BLMH: variants seen among roughly 807,000 people sequenced by gnomAD.
BLMH encodes the protein bleomycin hydrolase, also known as BLM hydrolase.
BLMH carries 32 observed loss-of-function variants against 61.6 expected under a neutral mutation model. That is an observed-to-expected ratio of 0.52 (90% CI 0.39 to 0.70). The LOEUF is 0.70. BLMH is among the 30% of genes least tolerant of loss of function. The probability of loss-of-function intolerance (pLI) is 0.00; values close to 1 mark genes in which losing one functional copy is unlikely to be tolerated. For synonymous variants in BLMH, 183 were observed against 193.8 expected (o/e 0.94, Z 0.46); for missense variants, 460 against 555.5 (o/e 0.83, Z 1.73).
intron 3 of BLMH, 109 bp from the exon 4 acceptor site, chr17:30,288,056 A>C (rs759653948): frequency 1.7e-6 from 2 of 1,160,492 alleles, no homozygotes; most frequent in East Asian, 2.6e-5. Context: ...TCAACATAAT[A>C]GTTTTTTTTC....
At chr17:30,290,373 A>C (rs1435251548) in intron 2 of BLMH, among the ~76,000 whole-genome samples, 1 of 152,248 alleles carries the variant, frequency 6.6e-6, no homozygotes, top group African/African-American at 2.4e-5. Flanking sequence ...GACATTACTA[A>C]CTGGATCATC....
intron 11 of BLMH, among the ~76,000 whole-genome samples, chr17:30,261,941 A>G (rs1907969157): frequency 6.6e-6 from 1 of 152,236 alleles, no homozygotes; most frequent in Non-Finnish European, 1.5e-5. Context: ...AAAATGAAAG[A>G]AATCAGGAAC....
intron 11 of BLMH, among the ~76,000 whole-genome samples, chr17:30,265,730 C>T (rs961580676): frequency 4.6e-5 from 7 of 152,266 alleles, no homozygotes; most frequent in Non-Finnish European, 1.0e-4. Flanking sequence ...GAAAAAGGGA[C>T]TCTGAGAAAG....
intron 11 of BLMH, chr17:30,252,010 A>C (rs1282542183): frequency 3.9e-5 from 6 of 152,228 alleles, no homozygotes; most frequent in African/African-American, 1.4e-4. Context: ...TTTACATTTT[A>C]ATGTCTAGAT....
chr17:30,273,340 T>C, intron 7 of BLMH: 1 of 162,352 alleles, frequency 6.2e-6, no homozygotes, highest in Non-Finnish European at 1.3e-5. Context: ...CTAATTTTTG[T>C]ATTTTTAGTA....
intron 11 of BLMH, among the ~76,000 whole-genome samples, chr17:30,264,654 C>T (rs1052736875): frequency 1.3e-5 from 2 of 152,194 alleles, no homozygotes; most frequent in South Asian, 2.1e-4. Flanking sequence ...AGCAAGCTGA[C>T]GGATCCAGGC....
At chr17:30,278,602 T>A (rs892450250) in intron 6 of BLMH, among the ~76,000 whole-genome samples, 3 of 152,204 alleles carry the variant, frequency 2.0e-5, no homozygotes, top group African/African-American at 7.2e-5. Flanking sequence ...TGTTCACTGT[T>A]TAATCTCCAA....
intron 11 of BLMH, 110 bp downstream of exon 11, chr17:30,266,775 A>T: frequency 1.0e-6 from 1 of 954,886 alleles, no homozygotes; most frequent in Non-Finnish European, 1.7e-6. Flanking sequence ...TAATCTAGTC[A>T]GTGGAGCCAA....
chr17:30,257,595 T>G (rs1202813637), intron 11 of BLMH, among the ~76,000 whole-genome samples: 1 of 152,218 alleles, frequency 6.6e-6, no homozygotes, highest in Non-Finnish European at 1.5e-5. Context: ...TTTCATTATC[T>G]ATTAAAAGAA....
chr17:30,267,884 A>G (rs1002985763), intron 10 of BLMH, among the ~76,000 whole-genome samples: 1 of 152,184 alleles, frequency 6.6e-6, no homozygotes, highest in East Asian at 1.9e-4. Flanking sequence ...GCAAATAACT[A>G]TATGATGAGT....
chr17:30,270,336 C>T (rs1908233287), intron 10 of BLMH, among the ~76,000 whole-genome samples: 2 of 151,950 alleles, frequency 1.3e-5, no homozygotes, highest in South Asian at 2.1e-4. Flanking sequence ...CCCACTTCTA[C>T]TAAAAATACA....
In BLMH at chr17:30,274,052, A is replaced by G. The variant is rs1426267254; in HGVS notation, c.791T>C (p.Met264Thr). ...YREHVKPLFNMEDKICLVNDP... is the reference protein window; with the variant it reads ...YREHVKPLFNTEDKICLVNDP... ...GTGCCATTCACCAACCTTATCTTCC[A>G]TATTGAAGAGTGGCTTGACATGTTC... The change falls in exon 7 of 12, where the codon ATG becomes ACG. Residue 264 changes from methionine (M) to threonine (T), a missense_variant. Met to Thr is a moderately conservative substitution (Grantham distance 81). This residue lies in a region of BLMH where 310 missense variants were observed against 371.1 expected (regional missense o/e 0.84). Transcript: ENST00000261714. 2 of 1,614,034 alleles carry G rather than the reference A, an allele frequency of 1.2e-6. No homozygotes were observed. The highest frequency in any genetic ancestry group is 1.7e-6 in the Non-Finnish European group (2 of 1,180,020).
At chr17:30,280,000 A>G (rs2143027207) in intron 6 of BLMH, among the ~76,000 whole-genome samples, 1 of 152,308 alleles carries the variant, frequency 6.6e-6, no homozygotes, top group African/African-American at 2.4e-5. Flanking sequence ...CCCATGACAG[A>G]CATCAAGTGA....
At chr17:30,291,764 G>C in intron 1 of BLMH, 43 bp downstream of exon 1, 1 of 1,422,198 alleles carries the variant, frequency 7.0e-7, no homozygotes, top group Non-Finnish European at 9.2e-7. Flanking sequence ...GGGGACCGCG[G>C]AGCTCCTCCA....
Position 30,291,487 on chromosome 17 carries a change from G to A in BLMH, c.35C>T (p.Ala12Val), listed in dbSNP as rs1908886966. Residue 12 changes from alanine to valine, a missense_variant, in exon 2 of 12, where the codon GCT (alanine) becomes GTT (valine). Ala to Val is a moderately conservative substitution (Grantham distance 64). Coordinates refer to ENST00000261714, the MANE Select transcript of BLMH (RefSeq NM_000386.4). ...SSSGLNSEKV[A>V]ALIQKLNSDP... Reference sequence around the variant, plus strand: ...GGAATTCAGTTTCTGTATCAGAGCAGCTACCTTCTCCGAATTCAGTCCTGT... The same window carrying A: ...GGAATTCAGTTTCTGTATCAGAGCAACTACCTTCTCCGAATTCAGTCCTGT... 6.2e-7 allele frequency: 1 copy of A among 1,614,224 alleles called. No individual in the cohort carries two copies. Among genetic ancestry groups the A allele is most frequent in the Non-Finnish European group, 8.5e-7 (1 of 1,180,024 alleles).
chr17:30,251,865 T>G (rs1907675456), intron 11 of BLMH, among the ~76,000 whole-genome samples: 1 of 152,218 alleles, frequency 6.6e-6, no homozygotes. Flanking sequence ...ATTTACTATA[T>G]CAGAAACTAA....
chr17:30,278,551 T>C (rs1052187159), intron 6 of BLMH, among the ~76,000 whole-genome samples: 1 of 152,260 alleles, frequency 6.6e-6, no homozygotes, highest in African/African-American at 2.4e-5. Flanking sequence ...CTTTCCCTAC[T>C]AGAACATCAA....
intron 9 of BLMH, among the ~76,000 whole-genome samples, chr17:30,271,668 C>A (rs1388568538): frequency 6.6e-6 from 1 of 151,956 alleles, no homozygotes; most frequent in South Asian, 2.1e-4. Context: ...GTCATTTAGG[C>A]AAGAAAACTT....
At chr17:30,249,240 T>A in intron 11 of BLMH, 72 bp from the exon 12 acceptor site, 16 of 1,476,044 alleles carry the variant, frequency 1.1e-5, no homozygotes, top group Admixed American at 2.0e-5. Flanking sequence ...TTTTGTAGGA[T>A]AAACCTTTTA....
Sources: allele counts gnomAD v4.1 joint callset (sites outside exome capture counted in the v4.1 genomes callset), GRCh38; gene constraint gnomAD v4.1.1; regional missense constraint gnomAD v4.1.1; transcripts MANE v1.5; gene names NCBI Gene and HGNC (gene_info 2026-07-23, HGNC 2026-07-21).